Variants in UNC80 observed in about 807,000 individuals in gnomAD.
UNC80 encodes the protein unc-80 subunit of NALCN channel complex.
UNC80 carries 164 observed loss-of-function variants against 384.6 expected under a neutral mutation model. The observed-to-expected ratio is 0.43, with a 90% CI of 0.38 to 0.49. The LOEUF (loss-of-function observed/expected upper bound fraction) is 0.49. UNC80 is among the 20% of genes least tolerant of loss of function. The pLI is 0.00. For missense variants in UNC80, 3,330 were observed against 4,143.0 expected (o/e 0.80, Z 5.39); for synonymous variants, 1,486 against 1,527.8 (o/e 0.97, Z 0.64).
At chr2:209,864,445 G>A (rs9973473) in intron 22 of UNC80, among the ~76,000 whole-genome samples, 24,450 of 152,040 alleles carry the variant, frequency 0.16, 2,563 homozygotes, top group African/African-American at 0.29. Flanking sequence ...GCTATCTCAG[G>A]GATTCCTCAG....
At chr2:209,780,106 G>A (rs2077073048) in intron 4 of UNC80, among the ~76,000 whole-genome samples, 1 of 152,112 alleles carries the variant, frequency 6.6e-6, no homozygotes, top group Admixed American at 6.6e-5. Context: ...CTTTAGTGTT[G>A]GTATTTTATT....
Position 209,929,906 on chromosome 2 carries a change from C to G in UNC80, c.5842C>G (p.Leu1948Val), listed in dbSNP as rs2090719780. The change falls in exon 37 of 65, where the codon CTA (leucine) becomes GTA (valine). Residue 1948 changes from leucine to valine, a missense_variant. This residue lies in a region of UNC80 where 1,049 missense variants were observed against 1,488.6 expected (regional missense o/e 0.70). Coordinates refer to ENST00000673920, the MANE Select transcript of UNC80 (RefSeq NM_001371986.1). ...GGCTCAACAAGTCTTATGGAACTGT[C>G]TAATTGAAGATCCATCAACGGTTCT... ...AVAQQVLWNC[L>V]IEDPSTVLRH... 6.5e-7 allele frequency: 1 copy of G among 1,536,062 alleles called. No individual in the cohort carries two copies. Among genetic ancestry groups the G allele is most frequent in the African/African-American group, 1.4e-5 (1 of 71,916 alleles).
intron 9 of UNC80, among the ~76,000 whole-genome samples, chr2:209,816,077 AG>A (rs2079714786): frequency 6.6e-6 from 1 of 152,250 alleles, no homozygotes; most frequent in Admixed American, 6.5e-5. Context: ...CTAAGTAAGC[AG>A]TTTTCTGCCT....
Position 209,995,627 on chromosome 2 carries a change from G to A in UNC80, c.*32G>A. 6.5e-7 allele frequency: 1 copy of A among 1,545,808 alleles called. No homozygotes were observed. The highest frequency in any genetic ancestry group is 8.7e-7 in the Non-Finnish European group (1 of 1,143,324). On this transcript the variant is annotated 3_prime_UTR_variant, in exon 65 of 65. Transcript: ENST00000673920. The stretch of plus-strand genomic sequence containing the variant: ...ATCTTGTAAGCTCTGCAGGTATAGA[G>A]AAGACATGAAAGTGATCTCTCTACT...
chr2:209,994,386 C>G, intron 64 of UNC80, 122 bp downstream of exon 64: 1 of 815,710 alleles, frequency 1.2e-6, no homozygotes, highest in Non-Finnish European at 1.8e-6. Flanking sequence ...GTTATCCAAA[C>G]AGATACTGCT....
chr2:209,801,094 GC>G (rs1264576249), intron 7 of UNC80, among the ~76,000 whole-genome samples: 3 of 152,072 alleles, frequency 2.0e-5, no homozygotes, highest in African/African-American at 7.2e-5. Context: ...CTTAGTTCAA[GC>G]CCTGAATATC....
intron 7 of UNC80, among the ~76,000 whole-genome samples, chr2:209,812,357 G>T (rs1196181353): frequency 6.6e-6 from 1 of 151,998 alleles, no homozygotes; most frequent in Non-Finnish European, 1.5e-5. Context: ...ACCGCGCCTG[G>T]CACCATAGTT....
intron 51 of UNC80, among the ~76,000 whole-genome samples, chr2:209,962,722 G>C (rs2092631535): frequency 6.6e-6 from 1 of 152,184 alleles, no homozygotes; most frequent in South Asian, 2.1e-4. Context: ...GCCTGCCATA[G>C]TCTCTGACCA....
intron 22 of UNC80, among the ~76,000 whole-genome samples, chr2:209,858,248 C>T (rs376816600): frequency 9.9e-5 from 15 of 152,050 alleles, no homozygotes; most frequent in South Asian, 6.2e-4. Flanking sequence ...TCAAGTGGCA[C>T]GCTGATTTTT....
intron 26 of UNC80, among the ~76,000 whole-genome samples, chr2:209,891,338 A>T (rs2086305293): frequency 6.6e-6 from 1 of 152,124 alleles, no homozygotes; most frequent in Non-Finnish European, 1.5e-5. Context: ...GTATCAAATG[A>T]ATATTTTTTT....
chr2:209,900,146 A>T (rs1196041965), intron 28 of UNC80, among the ~76,000 whole-genome samples: 8 of 152,090 alleles, frequency 5.3e-5, no homozygotes, highest in African/African-American at 1.9e-4. Context: ...TCAAATATGT[A>T]TATTTATGTA....
intron 14 of UNC80, among the ~76,000 whole-genome samples, chr2:209,828,118 A>G (rs547127894): frequency 6.6e-6 from 1 of 151,998 alleles, no homozygotes; most frequent in Non-Finnish European, 1.5e-5. Flanking sequence ...GGTGTATTTT[A>G]TAGAAAACAC....
At position 209,817,872 on chromosome 2, in the gene UNC80, G is replaced by A; in HGVS notation, c.1613G>A (p.Arg538Lys). The A allele has an allele frequency of 6.4e-7, 1 of 1,551,632 alleles. No homozygotes were observed. The highest frequency in any genetic ancestry group is 8.7e-7 in the Non-Finnish European group (1 of 1,146,988). The change falls in exon 11 of 65, where the codon AGG becomes AAG. Residue 538 changes from arginine (R) to lysine (K), a missense_variant. This residue lies in a region of UNC80 where 937 missense variants were observed against 1,026.8 expected (regional missense o/e 0.91). Coordinates refer to ENST00000673920, the MANE Select transcript of UNC80 (RefSeq NM_001371986.1). ...AATEMESLSA[R>K]HSHSHHTLVS... is the part of the protein sequence containing the mutation. ...ACTGAGATGGAGAGTCTGAGCGCCA[G>A]GCATTCCCACTCCCATCACACCCTG...
At chr2:209,886,538 A>G (rs1444738941) in intron 25 of UNC80, among the ~76,000 whole-genome samples, 4 of 152,212 alleles carry the variant, frequency 2.6e-5, no homozygotes, top group Non-Finnish European at 4.4e-5. Context: ...CCAAACTTCT[A>G]TTAAGTAATT....
chr2:209,940,245 A>T (rs963734530), intron 43 of UNC80, among the ~76,000 whole-genome samples: 1 of 152,106 alleles, frequency 6.6e-6, no homozygotes, highest in Non-Finnish European at 1.5e-5. Flanking sequence ...TTGCCTCTGG[A>T]TTTGGAGGGA....
intron 29 of UNC80, among the ~76,000 whole-genome samples, chr2:209,909,690 G>A (rs1386004095): frequency 6.6e-6 from 1 of 152,120 alleles, no homozygotes; most frequent in African/African-American, 2.4e-5. Flanking sequence ...TCAAAAAATT[G>A]GTTTTGCATT....
At position 209,872,499 on chromosome 2, in the gene UNC80, GAGA is replaced by G. The variant is rs1432223321; in HGVS notation, c.3628-253_3628-251del. Among the ~76,000 whole-genome samples, 3 of 152,060 alleles carry G rather than the reference GAGA, an allele frequency of 2.0e-5. No individual in the cohort carries two copies. Among genetic ancestry groups the G allele is most frequent in the East Asian group, 1.9e-4 (1 of 5,184 alleles). On this transcript the variant is annotated intron_variant, in intron 22 of 64. Transcript: ENST00000673920. The surrounding 1 kb of genome is among the most constrained non-coding windows in gnomAD (Gnocchi z 4.1). ...AGACATGTAATTACTTGAGATTCTT[GAGA>G]AGAAGGAGAAAGCAACACAGAAACC...
intron 6 of UNC80, among the ~76,000 whole-genome samples, chr2:209,791,290 A>G (rs1343891072): frequency 6.6e-6 from 1 of 152,176 alleles, no homozygotes; most frequent in Admixed American, 6.5e-5. Context: ...TGCAAATGCC[A>G]TCTTTTGTCA....
intron 24 of UNC80, among the ~76,000 whole-genome samples, chr2:209,878,965 G>A (rs1052128139): frequency 1.3e-5 from 2 of 151,848 alleles, no homozygotes; most frequent in Admixed American, 6.6e-5. Flanking sequence ...TGGATGGGGC[G>A]TAACATTAGG....
Sources: gnomAD v4.1 joint callset for allele counts (sites outside exome capture counted in the v4.1 genomes callset) on GRCh38, gnomAD v4.1.1 for gene constraint, gnomAD v4.1.1 regional missense constraint, Gnocchi (gnomAD v3.1) non-coding constraint, MANE v1.5 for transcripts, NCBI Gene and HGNC (gene_info 2026-07-23, HGNC 2026-07-21) for gene names.